The following ABHD2 variants were observed in gnomAD, a reference collection of about 807,000 sequenced individuals.
ABHD2 encodes the protein abhydrolase domain containing 2, acylglycerol lipase, also known as monoacylglycerol lipase ABHD2.
ABHD2 carries 20 observed loss-of-function variants against 48.1 expected under a neutral mutation model. The observed-to-expected ratio is 0.42, with a 90% CI of 0.29 to 0.60. ABHD2 has a LOEUF of 0.60. Ranked by LOEUF, ABHD2 falls within the 20% of genes least tolerant of loss-of-function variation. The pLI is 0.24. For synonymous variants in ABHD2, 209 were observed against 214.2 expected, an observed-to-expected ratio of 0.98 and a Z score of 0.21; for missense variants, 405 against 550.9, an observed-to-expected ratio of 0.74 and a Z score of 2.65.
In ABHD2 at chr15:89,175,249, G is replaced by A. The variant is rs777874183; in HGVS notation, c.539-563G>A. 8.6e-5 allele frequency among the ~76,000 whole-genome samples: 13 copies of A among 152,038 alleles called. No homozygotes were observed. The highest frequency in any genetic ancestry group is 1.9e-4 in the Non-Finnish European group (13 of 68,014). On this transcript the variant is annotated intron_variant, in intron 5 of 10. Coordinates refer to ENST00000352732, the MANE Select transcript of ABHD2 (RefSeq NM_152924.5). This position sits in a 1 kb window ranked among gnomAD's most constrained non-coding sequence, Gnocchi z 5.7. ...TTACTTATTTTATTTTTTTGAGACA[G>A]GGTCTCACTCTGTCACCCAGGCTGG... is the stretch of plus-strand genomic sequence containing the variant.
At position 89,146,878 on chromosome 15, in the gene ABHD2, G is replaced by A. The variant is rs535152858; in HGVS notation, c.195-4799G>A. On this transcript the variant is annotated intron_variant, in intron 3 of 10. Coordinates refer to ENST00000352732, the MANE Select transcript of ABHD2 (RefSeq NM_152924.5). The surrounding 1 kb of genome is among the most constrained non-coding windows in gnomAD (Gnocchi z 4.2). The stretch of plus-strand genomic sequence containing the variant: ...ATCTCCTAGGTAATATATATTTGTC[G>A]TGTTTCCAATCAAAAATCTAAAATT... Among the ~76,000 whole-genome samples, 16 of 152,188 alleles carry A rather than the reference G, an allele frequency of 1.1e-4. No individual in the cohort carries two copies. The highest frequency in any genetic ancestry group is 3.9e-4 in the East Asian group (2 of 5,182).
the ABHD2 span, among the ~76,000 whole-genome samples, chr15:89,043,069 G>T: frequency 6.6e-6 from 1 of 152,178 alleles, no homozygotes; most frequent in African/African-American, 2.4e-5. Context: ...TGACCACTGG[G>T]ATGAGCCCCA....
chr15:89,084,047 CT>C (rs1901318082), upstream of ABHD2, among the ~76,000 whole-genome samples: 1 of 152,152 alleles, frequency 6.6e-6, no homozygotes, highest in Non-Finnish European at 1.5e-5. The surrounding 1 kb of genome is among the most constrained non-coding windows in gnomAD (Gnocchi z 4.4). Context: ...CAGGCTGCAG[CT>C]TTTACTATTA....
chr15:89,107,474 GT>G (rs1231563260), intron 1 of ABHD2, among the ~76,000 whole-genome samples: 1 of 152,126 alleles, frequency 6.6e-6, no homozygotes, highest in Non-Finnish European at 1.5e-5. Flanking sequence ...GTCAACTTAG[GT>G]TGTTTACTGA....
At chr15:89,084,349 G>T (rs1275368501), upstream of ABHD2, among the ~76,000 whole-genome samples, 1 of 152,088 alleles carries the variant, frequency 6.6e-6, no homozygotes, top group African/African-American at 2.4e-5. This position sits in a 1 kb window ranked among gnomAD's most constrained non-coding sequence, Gnocchi z 4.4. Context: ...GCCCAGGCTG[G>T]AGTGCAGTGG....
chr15:89,149,249 T>G (rs1245822579), intron 3 of ABHD2, among the ~76,000 whole-genome samples: 2 of 148,542 alleles, frequency 1.3e-5, no homozygotes, highest in Non-Finnish European at 3.0e-5. Context: ...ACACTCACAC[T>G]GAGAATTACT....
chr15:89,173,652 TA>T lies in ABHD2; in HGVS notation c.539-2158del, dbSNP rs1432654448. ...AGTCTGGCATTTCACATTCCAAAGTTAAGAGTTCAAGGATCCTTCTGGACCA... is the reference window on the plus strand; with the variant it reads ...AGTCTGGCATTTCACATTCCAAAGTTAGAGTTCAAGGATCCTTCTGGACCA... On this transcript the variant is annotated intron_variant, in intron 5 of 10. Coordinates refer to ENST00000352732, the MANE Select transcript of ABHD2 (RefSeq NM_152924.5). This position sits in a 1 kb window ranked among gnomAD's most constrained non-coding sequence, Gnocchi z 6.5. Among the ~76,000 whole-genome samples, 1 of 152,204 alleles carries T rather than the reference TA, an allele frequency of 6.6e-6. No individual in the cohort carries two copies. The highest frequency in any genetic ancestry group is 1.5e-5 in the Non-Finnish European group (1 of 68,042).
chr15:89,117,162 A>G (rs558481181), intron 3 of ABHD2, among the ~76,000 whole-genome samples: 1 of 152,276 alleles, frequency 6.6e-6, no homozygotes, highest in African/African-American at 2.4e-5. Context: ...AGTAGCTGGA[A>G]TTACAGGTGT....
Position 89,188,339 on chromosome 15 carries a change from G to T in ABHD2, c.926+36G>T. 1 of 1,593,990 alleles carries T rather than the reference G, an allele frequency of 6.3e-7. No homozygotes were observed. Among genetic ancestry groups the T allele is most frequent in the South Asian group, 1.1e-5 (1 of 90,520 alleles). On this transcript the variant is annotated intron_variant, in intron 8 of 10. Transcript: ENST00000352732. The surrounding 1 kb of genome is among the most constrained non-coding windows in gnomAD (Gnocchi z 4.1). ...GCAGGCGGGAGAGGGACGCTCTGGG[G>T]CAGGGTGCCAGGCAGGAGGCTGCAG...
rs1308014308 is a variant in ABHD2, at chr15:89,092,026, A to T, written c.-107+3463A>T. Among the ~76,000 whole-genome samples the T allele has an allele frequency of 2.0e-5, 3 of 152,202 alleles. No individual in the cohort carries two copies. Among genetic ancestry groups the T allele is most frequent in the Non-Finnish European group, 4.4e-5 (3 of 68,032 alleles). Reference sequence around the variant, plus strand: ...GCCCTGTGCTGCTGTTTCTTTGTTGATACCATACAGATGCTACATTATCTC... The same window carrying T: ...GCCCTGTGCTGCTGTTTCTTTGTTGTTACCATACAGATGCTACATTATCTC... On this transcript the variant is annotated intron_variant, in intron 1 of 10. Coordinates refer to ENST00000352732, the MANE Select transcript of ABHD2 (RefSeq NM_152924.5). The surrounding 1 kb of genome is among the most constrained non-coding windows in gnomAD (Gnocchi z 4.4).
chr15:89,156,516 G>C (rs1388569008), intron 5 of ABHD2, among the ~76,000 whole-genome samples: 1 of 152,064 alleles, frequency 6.6e-6, no homozygotes, highest in Non-Finnish European at 1.5e-5. Context: ...GGAGGCTGAG[G>C]CAGGTGGATC....
intron 6 of ABHD2, among the ~76,000 whole-genome samples, chr15:89,181,255 A>G (rs1000273718): frequency 3.5e-5 from 5 of 144,154 alleles, no homozygotes; most frequent in African/African-American, 1.0e-4. Context: ...AAAAAACAAG[A>G]TGGTAAATTT....
chr15:89,086,336 AATT>A (rs568901068), upstream of ABHD2, among the ~76,000 whole-genome samples: 3 of 152,044 alleles, frequency 2.0e-5, no homozygotes, highest in Admixed American at 2.0e-4. Flanking sequence ...CTATTTTTTA[AATT>A]ATTATTAATT....
chr15:89,195,310 C>T lies in ABHD2; in HGVS notation c.1165C>T (p.Pro389Ser). 3 of 1,614,232 alleles carry T rather than the reference C, an allele frequency of 1.9e-6. No individual in the cohort carries two copies. The highest frequency in any genetic ancestry group is 2.5e-6 in the Non-Finnish European group (3 of 1,180,036). Residue 389 changes from proline (P) to serine (S), a missense_variant, in exon 11 of 11, where the codon CCC becomes TCC. Transcript: ENST00000352732. This position sits in a 1 kb window ranked among gnomAD's most constrained non-coding sequence, Gnocchi z 5.1. Reference sequence around the variant, plus strand: ...TGAGGGCTCTGTGCTGTTCCCCGAGCCCCTGACATGGATGGATAAGCTGGT... The same window carrying T: ...TGAGGGCTCTGTGCTGTTCCCCGAGTCCCTGACATGGATGGATAAGCTGGT... The part of the protein sequence containing the change: ...FFEGSVLFPE[P>S]LTWMDKLVVE...
chr15:89,042,541 T>G, the ABHD2 span, among the ~76,000 whole-genome samples: 4 of 151,982 alleles, frequency 2.6e-5, no homozygotes, highest in African/African-American at 9.7e-5. Context: ...ACCTGGAAAT[T>G]TATACCTTCT....
In ABHD2 at chr15:89,116,081, A is replaced by G. The variant is rs951108545; in HGVS notation, c.-6-241A>G. ...ATCTTAGAAATGCTTGTGAAATTAT[A>G]AAAAGAAAACACAGTACCCAGTTTA... On this transcript the variant is annotated intron_variant, in intron 2 of 10. Coordinates refer to ENST00000352732, the MANE Select transcript of ABHD2 (RefSeq NM_152924.5). This position sits in a 1 kb window ranked among gnomAD's most constrained non-coding sequence, Gnocchi z 4.6. 2.0e-5 allele frequency among the ~76,000 whole-genome samples: 3 copies of G among 152,230 alleles called. No individual in the cohort carries two copies. Among genetic ancestry groups the G allele is most frequent in the African/African-American group, 4.8e-5 (2 of 41,460 alleles).
intron 5 of ABHD2, among the ~76,000 whole-genome samples, chr15:89,172,547 A>G (rs1229411060): frequency 6.6e-6 from 1 of 152,206 alleles, no homozygotes; most frequent in Non-Finnish European, 1.5e-5. Context: ...GGTTGGTTCC[A>G]CTTTTTGGCT....
intron 5 of ABHD2, among the ~76,000 whole-genome samples, chr15:89,170,927 C>G (rs1476360285): frequency 6.6e-6 from 1 of 152,038 alleles, no homozygotes; most frequent in Non-Finnish European, 1.5e-5. Context: ...ACCAGCCTGG[C>G]CAACATGGTG....
chr15:89,112,238 ATCT>A (rs1170542371), intron 1 of ABHD2, among the ~76,000 whole-genome samples: 2 of 152,192 alleles, frequency 1.3e-5, no homozygotes, highest in Admixed American at 1.3e-4. Context: ...GTGTTGCCAA[ATCT>A]TCTGATTTTG....
Sources: allele counts gnomAD v4.1 joint callset (sites outside exome capture counted in the v4.1 genomes callset), GRCh38; gene constraint gnomAD v4.1.1; non-coding constraint Gnocchi (gnomAD v3.1); transcripts MANE v1.5; gene names NCBI Gene and HGNC (gene_info 2026-07-23, HGNC 2026-07-21).